Variants in EPB41L3 observed in about 807,000 individuals in gnomAD.
EPB41L3 encodes band 4.1-like protein 3.
In EPB41L3, 57 loss-of-function variants were observed where a neutral mutation model predicts 127.1. The observed-to-expected ratio is 0.45, with a 90% CI of 0.36 to 0.56. The LOEUF is 0.56. EPB41L3 is among the 20% of genes least tolerant of loss of function. The pLI, the probability that EPB41L3 is intolerant of heterozygous loss-of-function variation, is 0.00. For synonymous variants in EPB41L3, 572 were observed against 549.5 expected, an observed-to-expected ratio of 1.04 and a Z score of -0.57; for missense variants, 1,273 against 1,372.2, an observed-to-expected ratio of 0.93 and a Z score of 1.14.
chr18:5,550,092 C>T lies in EPB41L3; in HGVS notation c.-305-60931G>A, dbSNP rs982879774. 2.0e-5 allele frequency among the ~76,000 whole-genome samples: 3 copies of T among 152,326 alleles called. No individual in the cohort carries two copies. The South Asian group carries it at 6.2e-4, about 32-fold the overall frequency. ...TAAAGATTGCAGTAACACTGCAACT[C>T]TGACCTTAATTTCCAAGTTTTTACA... On this transcript the variant is annotated intron_variant, in intron 3 of 21. Coordinates refer to the EPB41L3 transcript ENST00000545076.
At chr18:5,596,767 C>T (rs190803692) in intron 3 of EPB41L3, among the ~76,000 whole-genome samples, 1 of 152,280 alleles carries the variant, frequency 6.6e-6, no homozygotes, top group African/African-American at 2.4e-5. Context: ...AAAAACATTA[C>T]ATCATCCTTC....
At chr18:5,630,206 C>T (rs889051316), upstream of EPB41L3, among the ~76,000 whole-genome samples, 3 of 152,168 alleles carry the variant, frequency 2.0e-5, no homozygotes, top group African/African-American at 7.2e-5. Flanking sequence ...CCTGTCGCCT[C>T]CGGGCGGACC....
rs768993946 is a variant in EPB41L3, at chr18:5,416,383, T to C, written c.1507-5A>G. 3 of 1,606,874 alleles carry C rather than the reference T, an allele frequency of 1.9e-6. No individual in the cohort carries two copies. In the South Asian group the frequency reaches 3.3e-5, roughly 18 times the overall value. ...GTCAGTGCCAAGCCCAGGTGACTGA[T>C]GTGAAAGAGACAGAAAGAGACAGAA... On this transcript the variant is annotated splice_region_variant and splice_polypyrimidine_tract_variant and intron_variant, in intron 12 of 22. Transcript: ENST00000341928.
In EPB41L3 at chr18:5,419,715, C is replaced by A. The variant is rs775911998; in HGVS notation, c.1502G>T (p.Gly501Val). ...CAGGCAGTCTGGGAGCTATACCTTT[C>A]CCTCGTGCCGGATGGCCGAGATGGG... Reference protein sequence around the residue: ...VTPISAIRHEGKSPGLGTDSC... With the variant: ...VTPISAIRHEVKSPGLGTDSC... Residue 501 changes from glycine (G) to valine (V), a missense_variant, in exon 12 of 23, where the codon GGA (glycine) becomes GTA (valine). Gly to Val is a moderately radical substitution (Grantham distance 109, BLOSUM62 -3). Transcript: ENST00000341928. 6.2e-7 allele frequency: 1 copy of A among 1,613,970 alleles called. No homozygotes were observed. The highest frequency in any genetic ancestry group is 1.7e-5 in the Admixed American group (1 of 60,026).
rs77248750 is a variant in EPB41L3, at chr18:5,584,658, G to A, written c.-306+27682C>T. 6.9e-3 allele frequency among the ~76,000 whole-genome samples: 1,052 copies of A among 152,292 alleles called. 12 individuals carry two copies. Among genetic ancestry groups the A allele is most frequent in the African/African-American group, 0.024 (988 of 41,558 alleles). On this transcript the variant is annotated intron_variant, in intron 3 of 21. Coordinates refer to the EPB41L3 transcript ENST00000545076. ...CAAAAAGATAAAAGGATTGTGCCAC[G>A]TAATAGATGTTCAATAAATGTTAGT... is the stretch of plus-strand genomic sequence containing the variant.
At position 5,481,186 on chromosome 18, in the gene EPB41L3, A is replaced by G. The variant is rs139969755; in HGVS notation, c.184-2748T>C. On this transcript the variant is annotated intron_variant, in intron 2 of 22. Transcript: ENST00000341928. ...ATTTATTAATATTGTTTAAAGCAGA[A>G]CTTGTGACATTCATTTTAAAGTGGT... 5.9e-5 allele frequency among the ~76,000 whole-genome samples: 9 copies of G among 152,302 alleles called. No individual in the cohort carries two copies. The East Asian group carries it at 1.7e-3, about 29-fold the overall frequency.
rs141069476 is a variant in EPB41L3, at chr18:5,563,859, C to T, written c.-306+48481G>A. Among the ~76,000 whole-genome samples the T allele has an allele frequency of 4.5e-3, 687 of 152,128 alleles. 4 individuals are homozygous for T. Among genetic ancestry groups the T allele is most frequent in the Middle Eastern group, 0.014 (4 of 294 alleles). ...CATCTAATTCATATTTCTAACAATC[C>T]GTAAAATATTTGCCTGCAGCTCAGG... On this transcript the variant is annotated intron_variant, in intron 3 of 21. Transcript: ENST00000545076.
At chr18:5,434,910 A>G (rs2079540777) in intron 6 of EPB41L3, among the ~76,000 whole-genome samples, 1 of 152,164 alleles carries the variant, frequency 6.6e-6, no homozygotes, top group South Asian at 2.1e-4. Flanking sequence ...ATCCTAGGAG[A>G]TGACAGCTTC....
intron 1 of EPB41L3, among the ~76,000 whole-genome samples, chr18:5,499,391 T>C (rs73379583): frequency 0.013 from 1,966 of 152,288 alleles, 36 homozygotes; most frequent in African/African-American, 0.045. Flanking sequence ...TCACCTACAG[T>C]TGCATGTTGC....
intron 2 of EPB41L3, 46 bp downstream of exon 2, chr18:5,488,955 G>T (rs2090237616): frequency 6.5e-7 from 1 of 1,528,366 alleles, no homozygotes; most frequent in Non-Finnish European, 8.7e-7. Context: ...CGATCCTGGA[G>T]CAGCTCAGCA....
At chr18:5,403,214 C>G (rs1212431142) in intron 16 of EPB41L3, among the ~76,000 whole-genome samples, 1 of 151,922 alleles carries the variant, frequency 6.6e-6, no homozygotes, top group African/African-American at 2.4e-5. Context: ...TTTGGTGGGC[C>G]CTGTGTGTGG....
intron 1 of EPB41L3, among the ~76,000 whole-genome samples, chr18:5,535,540 C>T (rs893498328): frequency 1.3e-5 from 2 of 152,034 alleles, no homozygotes; most frequent in Admixed American, 6.6e-5. Flanking sequence ...ATGAAACTAC[C>T]CAAAACTCCC....
At position 5,416,298 on chromosome 18, in the gene EPB41L3, A is replaced by C; in HGVS notation, c.1587T>G (p.Arg529=). The change falls in exon 13 of 23, where the codon CGT becomes CGG. Residue 529 remains arginine (R), a synonymous_variant. Transcript: ENST00000341928. ...HCAPTSPTEL[R]RRCKENDCKL... is the part of the protein sequence containing the mutation. ...TGCAGTCATTCTCCTTACACCTCCT[A>C]CGGAGCTCTGTGGGAGATGTGGGGG... is the stretch of plus-strand genomic sequence containing the variant. The C allele has an allele frequency of 6.2e-7, 1 of 1,614,078 alleles. No individual in the cohort carries two copies. Among genetic ancestry groups the C allele is most frequent in the African/African-American group, 1.3e-5 (1 of 75,020 alleles).
At chr18:5,536,741 G>T (rs559351202) in intron 1 of EPB41L3, among the ~76,000 whole-genome samples, 1 of 151,868 alleles carries the variant, frequency 6.6e-6, no homozygotes, top group African/African-American at 2.4e-5. Context: ...GAACCTGGGA[G>T]GCTCACTTGA....
At position 5,398,019 on chromosome 18, in the gene EPB41L3, A is replaced by G; in HGVS notation, c.2472+2T>C. ...ACACCAAGGACGAAAACAAATGGCCACCTGAACCCAGCTTTGAGAAGTAGA... is the reference window on the plus strand; with the variant it reads ...ACACCAAGGACGAAAACAAATGGCCGCCTGAACCCAGCTTTGAGAAGTAGA... On this transcript the variant is annotated splice_donor_variant, in intron 17 of 22. Coordinates refer to ENST00000341928, the MANE Select transcript of EPB41L3 (RefSeq NM_012307.5). LOFTEE classifies it high-confidence loss of function. 1 of 1,614,132 alleles carries G rather than the reference A, an allele frequency of 6.2e-7. No homozygotes were observed. Among genetic ancestry groups the G allele is most frequent in the South Asian group, 1.1e-5 (1 of 91,080 alleles).
rs553825681 is a variant in EPB41L3, at chr18:5,540,237, C to CA, written c.-12+3675dup. On this transcript the variant is annotated intron_variant, in intron 1 of 22. Coordinates refer to ENST00000341928, the MANE Select transcript of EPB41L3 (RefSeq NM_012307.5). ...ATATTCAGTGCTTTCTACTATTTCA[C>CA]AAAAAACAAACAAACAAAAAACGTC... The CA allele has an allele frequency of 1.7e-4, 112 of 647,724 alleles. No homozygotes were observed. In the African/African-American group the frequency reaches 2.1e-3, roughly 12 times the overall value. The allele number at this position is 647,724 out of a possible 1,614,324, so 40.1% of individuals were successfully genotyped here.
chr18:5,628,125 T>C (rs2094942978), intron 1 of EPB41L3, among the ~76,000 whole-genome samples: 1 of 152,186 alleles, frequency 6.6e-6, no homozygotes. Flanking sequence ...AGCAGCACAA[T>C]TACAGCCTGG....
upstream of EPB41L3, among the ~76,000 whole-genome samples, chr18:5,548,942 C>A (rs2093925335): frequency 6.6e-6 from 1 of 152,134 alleles, no homozygotes; most frequent in African/African-American, 2.4e-5. Context: ...CCCCAAAAGA[C>A]AAAATAAATG....
At position 5,473,021 on chromosome 18, in the gene EPB41L3, A is replaced by T. The variant is rs143825845; in HGVS notation, c.381+5220T>A. ...TCCAGGCCTATCCTGGAGGGATCTA[A>T]ATTGTCCTCAGTTACTGAGCCCATT... On this transcript the variant is annotated intron_variant, in intron 3 of 22. Coordinates refer to ENST00000341928, the MANE Select transcript of EPB41L3 (RefSeq NM_012307.5). 5.7e-4 allele frequency among the ~76,000 whole-genome samples: 87 copies of T among 152,278 alleles called. No individual in the cohort carries two copies. The East Asian group carries it at 0.016, about 29-fold the overall frequency.
Sources: allele counts gnomAD v4.1 joint callset (sites outside exome capture counted in the v4.1 genomes callset), GRCh38; gene constraint gnomAD v4.1.1; transcripts MANE v1.5; gene names NCBI Gene and HGNC (gene_info 2026-07-23, HGNC 2026-07-21).